NEK7: variants seen among roughly 807,000 people sequenced by gnomAD.
NEK7 encodes NIMA related kinase 7, also known as serine/threonine-protein kinase Nek7.
A neutral mutation model predicts 44.6 loss-of-function variants in NEK7; 18 were observed. That is an observed-to-expected ratio of 0.40 (90% CI 0.28 to 0.60). The LOEUF (loss-of-function observed/expected upper bound fraction) is 0.60. Among genes scored for constraint, NEK7 ranks in the 20% least tolerant of loss-of-function variants. The pLI is 0.38. For synonymous variants in NEK7, 130 were observed against 121.1 expected (o/e 1.07, Z -0.48); for missense variants, 256 against 366.5 (o/e 0.70, Z 2.46).
chr1:198,180,384 T>A (rs930578970), intron 1 of NEK7, among the ~76,000 whole-genome samples: 5 of 152,036 alleles, frequency 3.3e-5, no homozygotes, highest in African/African-American at 9.7e-5. Context: ...GTTTTAACTG[T>A]ATAGCTAGAT....
intron 2 of NEK7, among the ~76,000 whole-genome samples, chr1:198,248,291 G>C (rs566458776): frequency 4.5e-4 from 69 of 152,352 alleles, no homozygotes; most frequent in African/African-American, 1.6e-3. Flanking sequence ...GCAATAGACA[G>C]TGTCTGACTG....
intron 4 of NEK7, among the ~76,000 whole-genome samples, chr1:198,262,948 T>G (rs1279966595): frequency 6.6e-6 from 1 of 151,728 alleles, no homozygotes; most frequent in Non-Finnish European, 1.5e-5. Flanking sequence ...ATTCTAAAGG[T>G]TAAGTAATAT....
At chr1:198,197,437 A>G (rs903871795) in intron 1 of NEK7, among the ~76,000 whole-genome samples, 21 of 152,246 alleles carry the variant, frequency 1.4e-4, no homozygotes, top group Admixed American at 5.2e-4. Context: ...GAAATTTTTT[A>G]TCGAAGTGCA....
chr1:198,301,917 G>T (rs1433296670), intron 9 of NEK7, among the ~76,000 whole-genome samples: 1 of 152,108 alleles, frequency 6.6e-6, no homozygotes. Flanking sequence ...GACTATTGAA[G>T]GATACAATAT....
At chr1:198,308,627 G>A (rs1440100516) in intron 9 of NEK7, among the ~76,000 whole-genome samples, 1 of 152,194 alleles carries the variant, frequency 6.6e-6, no homozygotes, top group Non-Finnish European at 1.5e-5. Context: ...GCTGAAGCAC[G>A]ACTCATGATT....
chr1:198,189,728 TG>T (rs1665020440), intron 1 of NEK7, among the ~76,000 whole-genome samples: 1 of 152,142 alleles, frequency 6.6e-6, no homozygotes, highest in Non-Finnish European at 1.5e-5. Flanking sequence ...TCATTCCTTC[TG>T]GGGCTGCTTT....
intron 2 of NEK7, among the ~76,000 whole-genome samples, chr1:198,241,674 G>T (rs1666688436): frequency 6.6e-6 from 1 of 152,168 alleles, no homozygotes; most frequent in South Asian, 2.1e-4. Flanking sequence ...AAGTCATATT[G>T]GCTGGGATCA....
At chr1:198,215,961 G>C (rs1558060420) in intron 1 of NEK7, among the ~76,000 whole-genome samples, 1 of 152,052 alleles carries the variant, frequency 6.6e-6, no homozygotes, top group Non-Finnish European at 1.5e-5. Context: ...CAGTAGTTGT[G>C]ACTTTAACAC....
intron 1 of NEK7, among the ~76,000 whole-genome samples, chr1:198,160,447 A>T (rs1335256364): frequency 6.6e-6 from 1 of 152,076 alleles, no homozygotes; most frequent in African/African-American, 2.4e-5. Context: ...ATTCACATTT[A>T]AGTGTTTACC....
At chr1:198,241,050 A>T (rs886958114) in intron 2 of NEK7, among the ~76,000 whole-genome samples, 1 of 152,222 alleles carries the variant, frequency 6.6e-6, no homozygotes, top group Non-Finnish European at 1.5e-5. Context: ...TCTAAAGAAG[A>T]AGTTTCAGAC....
At chr1:198,260,467 C>G (rs1653423273) in intron 3 of NEK7, among the ~76,000 whole-genome samples, 1 of 150,772 alleles carries the variant, frequency 6.6e-6, no homozygotes, top group South Asian at 2.1e-4. Context: ...CATCGTGTTG[C>G]ATTCTGTTCC....
chr1:198,203,068 C>T (rs1037496855), intron 1 of NEK7, among the ~76,000 whole-genome samples: 6 of 150,704 alleles, frequency 4.0e-5, no homozygotes, highest in African/African-American at 1.5e-4. Flanking sequence ...TGAGTTCTCA[C>T]ATGGCATTTA....
chr1:198,181,626 A>T (rs1036684582), intron 1 of NEK7, among the ~76,000 whole-genome samples: 3 of 152,052 alleles, frequency 2.0e-5, no homozygotes, highest in African/African-American at 7.2e-5. Context: ...CCCCCATGTT[A>T]TTTATGTTTG....
chr1:198,172,184 T>C (rs774223944), intron 1 of NEK7, among the ~76,000 whole-genome samples: 19 of 152,170 alleles, frequency 1.2e-4, no homozygotes, highest in Non-Finnish European at 2.2e-4. Context: ...CACAGTGTTT[T>C]GGCTGGGGTG....
chr1:198,198,531 A>C (rs1284081288), intron 1 of NEK7, among the ~76,000 whole-genome samples: 1 of 152,140 alleles, frequency 6.6e-6, no homozygotes, highest in Non-Finnish European at 1.5e-5. Flanking sequence ...ACATGTCGCT[A>C]TGTAAAGTCT....
intron 9 of NEK7, among the ~76,000 whole-genome samples, chr1:198,312,737 A>G (rs1480276673): frequency 1.3e-5 from 2 of 150,840 alleles, no homozygotes; most frequent in Non-Finnish European, 3.0e-5. Context: ...GTTTCCATGT[A>G]GTTGAGCGAT....
At chr1:198,207,357 C>G (rs141390189) in intron 1 of NEK7, 57 of 152,150 alleles carry the variant, frequency 3.7e-4, no homozygotes, top group African/African-American at 1.1e-3. Context: ...AAATTTGATT[C>G]CTAGGTATTT....
chr1:198,157,739 G>GA (rs1276570967), intron 1 of NEK7, among the ~76,000 whole-genome samples: 3 of 152,220 alleles, frequency 2.0e-5, no homozygotes, highest in Admixed American at 2.0e-4. Flanking sequence ...TGCGCTGGGA[G>GA]AGAGTGGGTG....
rs186559373 is a variant in NEK7, at chr1:198,212,133, C to T, written c.-28-20420C>T. ...TCACAGGGGACCTCACGGAAGTCAG[C>T]CAGCTAACTCAGGCTCCGGTCACAG... is the stretch of plus-strand genomic sequence containing the variant. On this transcript the variant is annotated intron_variant, in intron 1 of 9. Coordinates refer to ENST00000367385, the MANE Select transcript of NEK7 (RefSeq NM_133494.3). Among the ~76,000 whole-genome samples, 272 of 152,340 alleles carry T rather than the reference C, an allele frequency of 1.8e-3. 2 individuals carry two copies. The highest frequency in any genetic ancestry group is 6.3e-3 in the African/African-American group (260 of 41,582).
Sources: allele counts gnomAD v4.1 joint callset (sites outside exome capture counted in the v4.1 genomes callset), GRCh38; gene constraint gnomAD v4.1.1; transcripts MANE v1.5; gene names NCBI Gene and HGNC (gene_info 2026-07-23, HGNC 2026-07-21).